The following ADGRB3 variants were observed in gnomAD, a reference collection of about 807,000 sequenced individuals.
The protein encoded by ADGRB3 is brain-specific angiogenesis inhibitor 3.
In ADGRB3, 37 loss-of-function variants were observed where a neutral mutation model predicts 193.4. The ratio of observed to expected loss-of-function variants is 0.19; its 90% CI spans 0.15 to 0.25. The LOEUF is 0.25. ADGRB3 is among the 10% of genes least tolerant of loss of function. ADGRB3 has a pLI of 1.00. For synonymous variants in ADGRB3, 690 were observed against 644.2 expected, an observed-to-expected ratio of 1.07 and a Z score of -1.08; for missense variants, 1,637 against 1,852.9, an observed-to-expected ratio of 0.88 and a Z score of 2.14.
At chr6:68,648,250 T>G (rs2127279264) in intron 3 of ADGRB3, among the ~76,000 whole-genome samples, 1 of 152,272 alleles carries the variant, frequency 6.6e-6, no homozygotes, top group African/African-American at 2.4e-5. Context: ...TCCTGAAATT[T>G]TAAATGTTTG....
chr6:68,785,570 A>G (rs975202653), intron 3 of ADGRB3, among the ~76,000 whole-genome samples: 1 of 151,782 alleles, frequency 6.6e-6, no homozygotes, highest in Non-Finnish European at 1.5e-5. Context: ...TGGACATTTG[A>G]GTTGGTTCCA....
In ADGRB3 at chr6:68,764,009, G is replaced by A. The variant is rs538973445; in HGVS notation, c.757+124577G>A. Among the ~76,000 whole-genome samples, 454 of 152,234 alleles carry A rather than the reference G, an allele frequency of 3.0e-3. 6 individuals are homozygous for A. The highest frequency in any genetic ancestry group is 0.011 in the African/African-American group (442 of 41,534). On this transcript the variant is annotated intron_variant, in intron 3 of 31. Coordinates refer to ENST00000370598, the MANE Select transcript of ADGRB3 (RefSeq NM_001704.3). ...GATCACTTGAGCCTGAGAGCCAGAG[G>A]TTGCAGTGAGCTGAAATGCACCACT...
At chr6:69,170,767 T>C (rs1775251723) in intron 17 of ADGRB3, among the ~76,000 whole-genome samples, 3 of 152,286 alleles carry the variant, frequency 2.0e-5, no homozygotes, top group Admixed American at 1.3e-4. Flanking sequence ...TGAGATGGCA[T>C]TGGAGCAAGA....
intron 6 of ADGRB3, 114 bp downstream of exon 6, chr6:68,944,108 T>C (rs1767710448): frequency 8.6e-7 from 1 of 1,160,802 alleles, no homozygotes; most frequent in Non-Finnish European, 1.2e-6. Context: ...GGGAAATGTG[T>C]CCTTTTCATT....
intron 17 of ADGRB3, among the ~76,000 whole-genome samples, chr6:69,192,568 G>A (rs1765214838): frequency 6.6e-6 from 1 of 152,072 alleles, no homozygotes; most frequent in Non-Finnish European, 1.5e-5. Flanking sequence ...TTTTGTATAT[G>A]AGCTTTTTTC....
intron 20 of ADGRB3, among the ~76,000 whole-genome samples, chr6:69,290,189 T>A (rs1286155945): frequency 6.6e-6 from 1 of 151,914 alleles, no homozygotes; most frequent in Non-Finnish European, 1.5e-5. Context: ...TATAGACCCT[T>A]CCCTGGAGAA....
At position 68,973,608 on chromosome 6, in the gene ADGRB3, T is replaced by C. The variant is rs902527959; in HGVS notation, c.1526-1155T>C. Among the ~76,000 whole-genome samples, 4 of 152,322 alleles carry C rather than the reference T, an allele frequency of 2.6e-5. No individual in the cohort carries two copies. In the East Asian group the frequency reaches 7.7e-4, roughly 29 times the overall value. ...TACTTAGTATTTTAAGATCCTCACT[T>C]ATTTATCAAGGTATTTATAAAACAT... is the stretch of plus-strand genomic sequence containing the variant. On this transcript the variant is annotated intron_variant, in intron 8 of 31. Coordinates refer to ENST00000370598, the MANE Select transcript of ADGRB3 (RefSeq NM_001704.3).
At chr6:68,734,702 GTAGT>G (rs909307129) in intron 3 of ADGRB3, among the ~76,000 whole-genome samples, 4 of 152,046 alleles carry the variant, frequency 2.6e-5, no homozygotes, top group Non-Finnish European at 5.9e-5. Context: ...ACTAGGCAAA[GTAGT>G]TAGTGTGTCT....
chr6:69,206,998 C>A (rs1765553162), intron 17 of ADGRB3, among the ~76,000 whole-genome samples: 1 of 152,136 alleles, frequency 6.6e-6, no homozygotes, highest in South Asian at 2.1e-4. Context: ...CTCCTGTATT[C>A]CATGCATACT....
intron 3 of ADGRB3, among the ~76,000 whole-genome samples, chr6:68,887,350 G>A: frequency 6.6e-6 from 1 of 151,968 alleles, no homozygotes; most frequent in East Asian, 1.9e-4. Flanking sequence ...GTTTTGGCTT[G>A]CATTTGAGGG....
intron 17 of ADGRB3, among the ~76,000 whole-genome samples, chr6:69,094,836 T>C (rs1286880592): frequency 6.6e-6 from 1 of 152,198 alleles, no homozygotes; most frequent in Non-Finnish European, 1.5e-5. Flanking sequence ...TTTGCATGTG[T>C]TCCCATATGC....
intron 17 of ADGRB3, among the ~76,000 whole-genome samples, chr6:69,205,485 G>C (rs373137721): frequency 3.3e-5 from 5 of 151,490 alleles, no homozygotes; most frequent in African/African-American, 1.2e-4. Flanking sequence ...CAGTTTCTTA[G>C]TCAATTTTCT....
At chr6:68,881,334 T>G (rs1304366158) in intron 3 of ADGRB3, among the ~76,000 whole-genome samples, 1 of 152,186 alleles carries the variant, frequency 6.6e-6, no homozygotes, top group Admixed American at 6.5e-5. Flanking sequence ...ATTTATTAAG[T>G]CTTGTATCTG....
intron 17 of ADGRB3, among the ~76,000 whole-genome samples, chr6:69,123,355 G>T (rs1046599035): frequency 4.1e-4 from 63 of 152,116 alleles, no homozygotes; most frequent in Non-Finnish European, 7.4e-5. Flanking sequence ...TCAAGGGCAA[G>T]AACTTTTACC....
At chr6:69,201,828 C>T (rs1345077922) in intron 17 of ADGRB3, among the ~76,000 whole-genome samples, 1 of 152,074 alleles carries the variant, frequency 6.6e-6, no homozygotes, top group African/African-American at 2.4e-5. Context: ...GATATTCCTA[C>T]CCCTTTCTAA....
chr6:68,981,152 G>A (rs1302316960), intron 10 of ADGRB3, among the ~76,000 whole-genome samples: 1 of 151,408 alleles, frequency 6.6e-6, no homozygotes, highest in Non-Finnish European at 1.5e-5. Flanking sequence ...ACTCACTTAC[G>A]GAATTCAAAT....
intron 3 of ADGRB3, among the ~76,000 whole-genome samples, chr6:68,914,906 T>C (rs917196986): frequency 3.3e-5 from 5 of 152,152 alleles, no homozygotes; most frequent in African/African-American, 9.7e-5. Context: ...TTGCTTCCCA[T>C]AGAGTATCAA....
intron 3 of ADGRB3, among the ~76,000 whole-genome samples, chr6:68,738,808 T>C (rs1469013357): frequency 6.6e-6 from 1 of 152,108 alleles, no homozygotes; most frequent in Non-Finnish European, 1.5e-5. Flanking sequence ...CAGAGGGATG[T>C]CCAAATAAAG....
At chr6:69,123,854 A>G (rs1314432256) in intron 17 of ADGRB3, among the ~76,000 whole-genome samples, 2 of 152,180 alleles carry the variant, frequency 1.3e-5, no homozygotes, top group African/African-American at 2.4e-5. Context: ...GGACAGTAAG[A>G]TGAAAAACAT....
Sources: allele counts gnomAD v4.1 joint callset (sites outside exome capture counted in the v4.1 genomes callset), GRCh38; gene constraint gnomAD v4.1.1; transcripts MANE v1.5; gene names NCBI Gene and HGNC (gene_info 2026-07-23, HGNC 2026-07-21).